Variants in SERPINF2 observed in about 807,000 individuals in gnomAD.
SERPINF2 encodes serpin family F member 2.
SERPINF2 carries 15 observed loss-of-function variants against 45.0 expected under a neutral mutation model. The ratio of observed to expected loss-of-function variants is 0.33; its 90% CI spans 0.22 to 0.51. The LOEUF is 0.51. SERPINF2 is among the 20% of genes least tolerant of loss of function. The pLI is 0.97. For missense variants in SERPINF2, 518 were observed against 637.4 expected, an observed-to-expected ratio of 0.81 and a Z score of 2.02; for synonymous variants, 283 against 277.9, an observed-to-expected ratio of 1.02 and a Z score of -0.18.
chr17:1,752,899 T>A, intron 9 of SERPINF2, 109 bp downstream of exon 9: 1 of 958,728 alleles, frequency 1.0e-6, no homozygotes, highest in Admixed American at 2.3e-5. Context: ...TGTGTCCTGC[T>A]CTTTTCCAGG....
intron 5 of SERPINF2, among the ~76,000 whole-genome samples, chr17:1,746,394 C>T (rs931803437): frequency 5.3e-5 from 8 of 151,480 alleles, no homozygotes; most frequent in South Asian, 2.1e-4. Flanking sequence ...GGGACTGGGC[C>T]GGGGAATCTG....
chr17:1,745,210 G>A lies in SERPINF2; in HGVS notation c.99G>A (p.Arg33=). 6.4e-7 allele frequency: 1 copy of A among 1,570,518 alleles called. No homozygotes were observed. The highest frequency in any genetic ancestry group is 1.2e-5 in the South Asian group (1 of 86,638). Residue 33 remains arginine (R), a synonymous_variant, in exon 3 of 10, where the codon CGG becomes CGA. Coordinates refer to ENST00000453066, the MANE Select transcript of SERPINF2 (RefSeq NM_000934.4). This position sits in a 1 kb window ranked among gnomAD's most constrained non-coding sequence, Gnocchi z 6.2. ...TGAGCGCCATGGAGCCCTTGGGCCG[G>A]CAGGTACTGGGGAGTGAGGAGCCTG... ...SPVSAMEPLG[R]QLTSGPNQEQ... is the part of the protein sequence containing the mutation.
intron 8 of SERPINF2, 54 bp downstream of exon 8, chr17:1,748,794 A>G: frequency 1.1e-6 from 1 of 934,466 alleles, no homozygotes; most frequent in Admixed American, 1.7e-5. Flanking sequence ...TGGGGAAGGG[A>G]GTGGACAGGC....
At chr17:1,750,094 C>G (rs1906237880) in intron 8 of SERPINF2, among the ~76,000 whole-genome samples, 1 of 152,072 alleles carries the variant, frequency 6.6e-6, no homozygotes, top group East Asian at 1.9e-4. Flanking sequence ...CTGCCTCAAC[C>G]TCTCGAGTAG....
At chr17:1,752,941 GC>G (rs1389891948) in intron 9 of SERPINF2, 151 bp downstream of exon 9, 1 of 707,104 alleles carries the variant, frequency 1.4e-6, no homozygotes, top group Non-Finnish European at 2.3e-6. Context: ...TTGAATATGA[GC>G]CCCCAGACCC....
chr17:1,747,273 G>T, intron 6 of SERPINF2, 36 bp from the exon 7 acceptor site: 1 of 1,612,222 alleles, frequency 6.2e-7, no homozygotes, highest in Non-Finnish European at 8.5e-7. Context: ...TGTGGAGCCT[G>T]GAGCCCTGGG....
intron 1 of SERPINF2, 121 bp from the exon 2 acceptor site, chr17:1,744,871 C>T (rs1256969493): frequency 2.6e-6 from 4 of 1,567,754 alleles, no homozygotes; most frequent in South Asian, 1.2e-5. Context: ...ATTCTGGAGC[C>T]TGCTTCTTCC....
chr17:1,745,310 C>T lies in SERPINF2; in HGVS notation c.103-23C>T. 6.2e-7 allele frequency: 1 copy of T among 1,613,044 alleles called. No homozygotes were observed. On this transcript the variant is annotated intron_variant, in intron 3 of 9. Transcript: ENST00000453066. This position sits in a 1 kb window ranked among gnomAD's most constrained non-coding sequence, Gnocchi z 6.2. Reference sequence around the variant, plus strand: ...GGGGCCTGTGGGAAGGGTCGGTCTCCATCTGCTTGCTCCTTTCCGCAGCTA... The same window carrying T: ...GGGGCCTGTGGGAAGGGTCGGTCTCTATCTGCTTGCTCCTTTCCGCAGCTA...
intron 9 of SERPINF2, 28 bp downstream of exon 9, chr17:1,752,818 C>T (rs541496892): frequency 9.5e-6 from 15 of 1,573,992 alleles, no homozygotes; most frequent in East Asian, 2.3e-5. Context: ...GGCGAGCCCC[C>T]GAGGTCAGGC....
In SERPINF2 at chr17:1,747,521, C is replaced by T. The variant is rs1313507797; in HGVS notation, c.715+9C>T. 3 of 1,613,100 alleles carry T rather than the reference C, an allele frequency of 1.9e-6. No individual in the cohort carries two copies. Among genetic ancestry groups the T allele is most frequent in the African/African-American group, 2.7e-5 (2 of 74,910 alleles). On this transcript the variant is annotated intron_variant, in intron 7 of 9. Transcript: ENST00000453066. The stretch of plus-strand genomic sequence containing the variant: ...CGCCATCCACTTCCAGGGTGCGCTC[C>T]TCCTCCTCTCAGATCCCCCACCCTG...
chr17:1,754,120 AG>A lies in SERPINF2; in HGVS notation c.1064del. 2 of 1,604,360 alleles carry A rather than the reference AG, an allele frequency of 1.2e-6. No homozygotes were observed. Among genetic ancestry groups the A allele is most frequent in the Non-Finnish European group, 1.7e-6 (2 of 1,179,982 alleles). On this transcript the variant is annotated splice_acceptor_variant, in intron 9 of 9. Transcript: ENST00000453066. LOFTEE classifies it high-confidence loss of function. ...TGACCAGCCATCTCTGGCCCTGGGC[AG>A]GCCTGCAGGAGTTGTTCCAGGCCCC...
Position 1,754,743 on chromosome 17 carries a change from C to T in SERPINF2, c.*209C>T, listed in dbSNP as rs900675904. 4.8e-6 allele frequency: 3 copies of T among 624,888 alleles called. No individual in the cohort carries two copies. The highest frequency in any genetic ancestry group is 1.8e-5 in the African/African-American group (1 of 54,110). 38.7% of individuals were successfully genotyped at this position (624,888 alleles called of 1,614,324 possible). ...ATCGGGGAGCCGGGAGCCTGACCCT[C>T]ATCTTTCTTCCAAACAGGCTCAGAG... On this transcript the variant is annotated 3_prime_UTR_variant, in exon 10 of 10. Transcript: ENST00000453066.
intron 1 of SERPINF2, 86 bp from the exon 2 acceptor site, chr17:1,744,906 T>C (rs182500876): frequency 5.0e-6 from 8 of 1,606,212 alleles, no homozygotes; most frequent in African/African-American, 1.3e-5. Flanking sequence ...ACCCAGGACT[T>C]GGCGTTATCT....
At chr17:1,748,021 T>C (rs541460178) in intron 7 of SERPINF2, among the ~76,000 whole-genome samples, 4 of 143,736 alleles carry the variant, frequency 2.8e-5, no homozygotes, top group South Asian at 5.1e-4. Flanking sequence ...CAGGAGGGGC[T>C]GGGCGCGGTG....
Position 1,745,773 on chromosome 17 carries a change from G to A in SERPINF2, c.231G>A (p.Glu77=), listed in dbSNP as rs1905763637. The change falls in exon 5 of 10, where the codon GAG becomes GAA. Residue 77 remains glutamate (E), a synonymous_variant. Transcript: ENST00000453066. The surrounding 1 kb of genome is among the most constrained non-coding windows in gnomAD (Gnocchi z 6.2). ...TCTGCAGCAGAGACCCCACCCCAGA[G>A]CAGACCCACAGGCTGGCCCGGGCCA... ...PGVCSRDPTP[E]QTHRLARAMM... is the part of the protein sequence containing the mutation. 3 of 1,613,990 alleles carry A rather than the reference G, an allele frequency of 1.9e-6. No individual in the cohort carries two copies. The highest frequency in any genetic ancestry group is 1.1e-5 in the South Asian group (1 of 91,086).
At position 1,754,873 on chromosome 17, in the gene SERPINF2, C is replaced by T. The variant is rs1906723904; in HGVS notation, c.*339C>T. ...GCTGGGACACCCCGACTTTTGTTTA[C>T]CAGAGAAAAAGGGAGGGGGAGAGGG... is the stretch of plus-strand genomic sequence containing the variant. On this transcript the variant is annotated 3_prime_UTR_variant, in exon 10 of 10. Coordinates refer to ENST00000453066, the MANE Select transcript of SERPINF2 (RefSeq NM_000934.4). The T allele has an allele frequency of 2.5e-6, 1 of 397,354 alleles. No individual in the cohort carries two copies. Among genetic ancestry groups the T allele is most frequent in the Non-Finnish European group, 4.5e-6 (1 of 221,398 alleles). 24.6% of individuals were successfully genotyped at this position (397,354 alleles called of 1,614,324 possible).
Position 1,747,442 on chromosome 17 carries a change from G to A in SERPINF2, c.645G>A (p.Lys215=), listed in dbSNP as rs1284884792. ...NQWVKEATEG[K]IQEFLSGLPE... is the part of the protein sequence containing the mutation. ...GGGTGAAGGAGGCCACGGAGGGGAA[G>A]ATTCAGGAATTCCTCTCTGGGCTGC... Residue 215 remains lysine (K), a synonymous_variant, in exon 7 of 10, where the codon AAG becomes AAA. Coordinates refer to ENST00000453066, the MANE Select transcript of SERPINF2 (RefSeq NM_000934.4). The A allele has an allele frequency of 2.5e-6, 4 of 1,614,194 alleles. No homozygotes were observed. The South Asian group carries it at 4.4e-5, about 18-fold the overall frequency.
At chr17:1,744,832 C>T (rs147536617) in intron 1 of SERPINF2, 160 bp from the exon 2 acceptor site, 206 of 985,416 alleles carry the variant, frequency 2.1e-4, no homozygotes, top group East Asian at 2.3e-4. Flanking sequence ...GAGTGGGAGC[C>T]GCTGCTCGTG....
intron 6 of SERPINF2, 26 bp downstream of exon 6, chr17:1,747,188 CT>C: frequency 6.2e-7 from 1 of 1,611,700 alleles, no homozygotes; most frequent in East Asian, 2.2e-5. Flanking sequence ...AGGGAGCTCC[CT>C]CAGTCCTGCC....
Sources: gnomAD v4.1 joint callset for allele counts (sites outside exome capture counted in the v4.1 genomes callset) on GRCh38, gnomAD v4.1.1 for gene constraint, Gnocchi (gnomAD v3.1) non-coding constraint, MANE v1.5 for transcripts, NCBI Gene and HGNC (gene_info 2026-07-23, HGNC 2026-07-21) for gene names.